Variants in FUT9 observed in about 807,000 individuals in gnomAD.
FUT9 encodes the protein fucosyltransferase 9, also known as 4-galactosyl-N-acetylglucosaminide 3-alpha-L-fucosyltransferase 9.
In FUT9, 15 loss-of-function variants were observed where a neutral mutation model predicts 29.7. The observed-to-expected ratio is 0.51, with a 90% CI of 0.34 to 0.78. The LOEUF is 0.78. Ranked by LOEUF, FUT9 falls within the 30% of genes least tolerant of loss-of-function variation. The pLI is 0.01. For synonymous variants in FUT9, 169 were observed against 153.7 expected (o/e 1.10, Z -0.74); for missense variants, 319 against 425.4 (o/e 0.75, Z 2.20).
intron 1 of FUT9, among the ~76,000 whole-genome samples, chr6:96,020,667 A>ACCT (rs1337140558): frequency 6.6e-6 from 1 of 152,124 alleles, no homozygotes; most frequent in African/African-American, 2.4e-5. Flanking sequence ...ATCTAGGAAG[A>ACCT]ATAACATGGT....
At chr6:96,126,447 T>C (rs895773428) in intron 2 of FUT9, among the ~76,000 whole-genome samples, 14 of 152,118 alleles carry the variant, frequency 9.2e-5, no homozygotes, top group African/African-American at 3.4e-4. Context: ...CCAAAACACC[T>C]CCCTTCAGGC....
intron 2 of FUT9, among the ~76,000 whole-genome samples, chr6:96,177,783 G>T (rs553591481): frequency 1.3e-5 from 2 of 152,042 alleles, no homozygotes; most frequent in South Asian, 4.1e-4. Context: ...ATCCTATAAG[G>T]TATTAAAATT....
intron 2 of FUT9, among the ~76,000 whole-genome samples, chr6:96,175,904 A>G (rs138725481): frequency 1.3e-5 from 2 of 152,308 alleles, no homozygotes; most frequent in African/African-American, 4.8e-5. Flanking sequence ...CTTTTCATCA[A>G]TGGATTCAGT....
At chr6:96,059,798 A>T (rs761877473) in intron 1 of FUT9, among the ~76,000 whole-genome samples, 21 of 152,216 alleles carry the variant, frequency 1.4e-4, no homozygotes, top group Non-Finnish European at 2.2e-4. Context: ...GTGTGAATAT[A>T]AAGCAATGAG....
At chr6:96,166,163 A>AG (rs1773012875) in intron 2 of FUT9, among the ~76,000 whole-genome samples, 1 of 152,072 alleles carries the variant, frequency 6.6e-6, no homozygotes, top group African/African-American at 2.4e-5. Context: ...ATAAAAAAAA[A>AG]AGAAAATGAG....
At chr6:96,050,199 A>G (rs921817011) in intron 1 of FUT9, among the ~76,000 whole-genome samples, 33 of 152,172 alleles carry the variant, frequency 2.2e-4, no homozygotes, top group African/African-American at 8.0e-4. Context: ...CAGAGTATTT[A>G]ATGAAGTGTA....
At chr6:96,090,613 A>G (rs749373379) in intron 1 of FUT9, among the ~76,000 whole-genome samples, 2 of 151,968 alleles carry the variant, frequency 1.3e-5, no homozygotes, top group Non-Finnish European at 2.9e-5. Flanking sequence ...CTCTGGTAAG[A>G]TTGAGCAGAA....
At chr6:96,049,712 G>A (rs1413889144) in intron 1 of FUT9, among the ~76,000 whole-genome samples, 1 of 152,158 alleles carries the variant, frequency 6.6e-6, no homozygotes, top group African/African-American at 2.4e-5. Flanking sequence ...CTCCTCTTTA[G>A]ACTCTGTTTT....
At chr6:96,130,078 G>T (rs1372832972) in intron 2 of FUT9, among the ~76,000 whole-genome samples, 1 of 152,054 alleles carries the variant, frequency 6.6e-6, no homozygotes, top group Non-Finnish European at 1.5e-5. Context: ...AACATTGGGA[G>T]GTGGGAGAGG....
intron 2 of FUT9, among the ~76,000 whole-genome samples, chr6:96,158,564 T>C (rs532488451): frequency 4.7e-4 from 71 of 152,228 alleles, no homozygotes; most frequent in African/African-American, 1.7e-3. Flanking sequence ...GATTGGTCCC[T>C]AATTTCTTAA....
At chr6:96,057,761 C>G (rs188039886) in intron 1 of FUT9, among the ~76,000 whole-genome samples, 65 of 152,268 alleles carry the variant, frequency 4.3e-4, no homozygotes, top group Non-Finnish European at 5.4e-4. Context: ...TAAGAGACAT[C>G]AGGAGGTTTG....
intron 1 of FUT9, among the ~76,000 whole-genome samples, chr6:96,089,495 T>A (rs1771375392): frequency 6.6e-6 from 1 of 152,194 alleles, no homozygotes; most frequent in South Asian, 2.1e-4. Flanking sequence ...TTTAAAATTG[T>A]TGTTTGATGT....
At chr6:96,170,179 A>G (rs1393905059) in intron 2 of FUT9, among the ~76,000 whole-genome samples, 2 of 152,172 alleles carry the variant, frequency 1.3e-5, no homozygotes, top group Non-Finnish European at 2.9e-5. Flanking sequence ...TTTCTTACCT[A>G]TAAGTTGGTG....
chr6:96,091,041 G>A (rs1030012854), intron 1 of FUT9, among the ~76,000 whole-genome samples: 1 of 151,948 alleles, frequency 6.6e-6, no homozygotes, highest in Non-Finnish European at 1.5e-5. Flanking sequence ...CTGGTGGGGA[G>A]GAGGCTATTT....
intron 2 of FUT9, among the ~76,000 whole-genome samples, chr6:96,157,485 C>T (rs1203782233): frequency 6.6e-6 from 1 of 152,100 alleles, no homozygotes; most frequent in African/African-American, 2.4e-5. Flanking sequence ...GTGAACAATA[C>T]TCCTGGATTT....
At chr6:96,161,248 C>T (rs758717985) in intron 2 of FUT9, among the ~76,000 whole-genome samples, 10 of 152,052 alleles carry the variant, frequency 6.6e-5, no homozygotes, top group Non-Finnish European at 5.9e-5. Flanking sequence ...CAGAGCTCTC[C>T]TGGATGGGAT....
Position 96,213,604 on chromosome 6 carries a change from T to C in FUT9, c.*9369T>C, listed in dbSNP as rs566950324. The C allele has an allele frequency of 6.0e-6, 1 of 167,054 alleles. No homozygotes were observed. Among genetic ancestry groups the C allele is most frequent in the East Asian group, 1.9e-4 (1 of 5,188 alleles). The allele number at this position is 167,054 out of a possible 1,614,324, so 10.3% of individuals were successfully genotyped here. A position where few individuals can be genotyped will look rare whatever the true frequency, so the allele number is the denominator to read the frequency against. ...GAATTTAATTGCATTGTGCTAATAG[T>C]TGTTTATTGCTATTAACTTTCTGTG... is the stretch of plus-strand genomic sequence containing the variant. On this transcript the variant is annotated 3_prime_UTR_variant, in exon 3 of 3. Coordinates refer to ENST00000302103, the MANE Select transcript of FUT9 (RefSeq NM_006581.4).
At chr6:96,025,370 A>G (rs765202229) in intron 1 of FUT9, among the ~76,000 whole-genome samples, 7 of 151,704 alleles carry the variant, frequency 4.6e-5, no homozygotes, top group Non-Finnish European at 1.0e-4. Context: ...ATTCCTCCTC[A>G]TTAAAAGGCA....
At chr6:96,147,936 A>G (rs976215292) in intron 2 of FUT9, among the ~76,000 whole-genome samples, 14 of 151,802 alleles carry the variant, frequency 9.2e-5, no homozygotes. Context: ...CATCAGAGAT[A>G]AAGGTAAAAG....
Sources: gnomAD v4.1 joint callset for allele counts (sites outside exome capture counted in the v4.1 genomes callset) on GRCh38, gnomAD v4.1.1 for gene constraint, MANE v1.5 for transcripts, NCBI Gene and HGNC (gene_info 2026-07-23, HGNC 2026-07-21) for gene names.